PLXNA4: variants seen among roughly 807,000 people sequenced by gnomAD.
PLXNA4 encodes plexin A4, also known as plexin-A4.
PLXNA4 carries 44 observed loss-of-function variants against 191.8 expected under a neutral mutation model. That is an observed-to-expected ratio of 0.23 (90% CI 0.18 to 0.29). PLXNA4 has a LOEUF of 0.29. Among genes scored for constraint, PLXNA4 ranks in the 10% least tolerant of loss-of-function variants. The pLI is 1.00. For synonymous variants in PLXNA4, 1,082 were observed against 1,009.5 expected (o/e 1.07, Z -1.36); for missense variants, 1,800 against 2,488.8 (o/e 0.72, Z 5.89).
chr7:132,172,781 T>TA (rs869164288), intron 21 of PLXNA4, among the ~76,000 whole-genome samples: 7 of 150,052 alleles, frequency 4.7e-5, no homozygotes, highest in Non-Finnish European at 7.4e-5. Context: ...ATAATAATAA[T>TA]AAAGTTACAT....
At position 132,167,523 on chromosome 7, in the gene PLXNA4, T is replaced by C. The variant is rs1237723463; in HGVS notation, c.4286+781A>G. 2.0e-5 allele frequency among the ~76,000 whole-genome samples: 3 copies of C among 152,062 alleles called. No homozygotes were observed. The South Asian group carries it at 6.2e-4, about 32-fold the overall frequency. ...GTCTGGGAGGGCCTGAAATTCTGCA[T>C]TTATTTATTTATTTTTTAATTTTTT... On this transcript the variant is annotated intron_variant, in intron 22 of 31. Coordinates refer to ENST00000321063, the MANE Select transcript of PLXNA4 (RefSeq NM_020911.2).
intron 3 of PLXNA4, among the ~76,000 whole-genome samples, chr7:132,462,783 T>G (rs772802116): frequency 1.3e-5 from 2 of 151,910 alleles, no homozygotes; most frequent in Non-Finnish European, 1.5e-5. Context: ...AGGTTATTTT[T>G]TTTCTTGTTT....
At chr7:132,622,120 G>A (rs769666630) in intron 2 of PLXNA4, among the ~76,000 whole-genome samples, 6 of 152,008 alleles carry the variant, frequency 3.9e-5, no homozygotes, top group East Asian at 1.9e-4. Flanking sequence ...GATGTGTACC[G>A]CTTCCAGGAC....
At chr7:132,540,777 C>A (rs1039811707) in intron 1 of PLXNA4, among the ~76,000 whole-genome samples, 1 of 151,260 alleles carries the variant, frequency 6.6e-6, no homozygotes, top group East Asian at 1.9e-4. Context: ...TTAGTAGAGA[C>A]GGTGTTTCAC....
chr7:132,556,358 C>G (rs1800802303), intron 1 of PLXNA4, among the ~76,000 whole-genome samples: 1 of 152,208 alleles, frequency 6.6e-6, no homozygotes, highest in Non-Finnish European at 1.5e-5. Context: ...TTGAGGCAGA[C>G]AGCAGGATCC....
chr7:132,434,332 C>A (rs944058964), intron 3 of PLXNA4, among the ~76,000 whole-genome samples: 8 of 152,158 alleles, frequency 5.3e-5, no homozygotes, highest in Non-Finnish European at 1.0e-4. Flanking sequence ...GCCCAGCTCA[C>A]CTTATCCATC....
chr7:132,462,511 G>A (rs1796544240), intron 3 of PLXNA4, among the ~76,000 whole-genome samples: 1 of 151,524 alleles, frequency 6.6e-6, no homozygotes, highest in Non-Finnish European at 1.5e-5. Flanking sequence ...AACATAATAT[G>A]TACATATATA....
At chr7:132,559,552 T>A (rs1244466853) in intron 1 of PLXNA4, among the ~76,000 whole-genome samples, 1 of 152,178 alleles carries the variant, frequency 6.6e-6, no homozygotes, top group African/African-American at 2.4e-5. Context: ...CCTCTCCCCA[T>A]CCCCAAGTCT....
At chr7:132,613,833 A>T (rs973712188) in intron 2 of PLXNA4, among the ~76,000 whole-genome samples, 1 of 152,226 alleles carries the variant, frequency 6.6e-6, no homozygotes, top group South Asian at 2.1e-4. Flanking sequence ...CTAGGAGTGT[A>T]TTTTTAAATC....
chr7:132,264,730 C>T (rs1331429656), intron 4 of PLXNA4, among the ~76,000 whole-genome samples: 2 of 146,134 alleles, frequency 1.4e-5, no homozygotes, highest in Non-Finnish European at 3.0e-5. Flanking sequence ...CAGAGTCTCA[C>T]TGTGTTGCTC....
At chr7:132,435,754 A>G (rs528089724) in intron 3 of PLXNA4, among the ~76,000 whole-genome samples, 90 of 152,240 alleles carry the variant, frequency 5.9e-4, no homozygotes, top group Middle Eastern at 6.8e-3. Flanking sequence ...CATCCACAGC[A>G]CGTCCACTGA....
At chr7:132,497,038 A>G (rs1798047296) in intron 2 of PLXNA4, among the ~76,000 whole-genome samples, 1 of 152,194 alleles carries the variant, frequency 6.6e-6, no homozygotes, top group Admixed American at 6.5e-5. Flanking sequence ...TTGATACAGA[A>G]AAGAAAAGGT....
intron 1 of PLXNA4, among the ~76,000 whole-genome samples, chr7:132,559,653 A>G (rs553251847): frequency 3.0e-4 from 46 of 152,336 alleles, no homozygotes; most frequent in Admixed American, 1.2e-3. Flanking sequence ...CTCTGCTCAA[A>G]CCAATGGCCT....
At chr7:132,456,276 T>C (rs1796313926) in intron 3 of PLXNA4, among the ~76,000 whole-genome samples, 1 of 152,086 alleles carries the variant, frequency 6.6e-6, no homozygotes, top group Non-Finnish European at 1.5e-5. Flanking sequence ...CATGCCTGGC[T>C]AATTTTTTAT....
intron 4 of PLXNA4, among the ~76,000 whole-genome samples, chr7:132,248,834 C>T (rs1397336641): frequency 6.8e-6 from 1 of 146,206 alleles, no homozygotes; most frequent in African/African-American, 2.6e-5. Flanking sequence ...GACCATCTGG[C>T]CACCCCAGTG....
intron 3 of PLXNA4, among the ~76,000 whole-genome samples, chr7:132,347,544 A>G (rs1248219918): frequency 6.6e-6 from 1 of 152,152 alleles, no homozygotes; most frequent in African/African-American, 2.4e-5. Context: ...GGTATTGGAG[A>G]ATAGTATTGG....
chr7:132,601,701 C>A (rs1168848957), intron 2 of PLXNA4, among the ~76,000 whole-genome samples: 1 of 152,176 alleles, frequency 6.6e-6, no homozygotes, highest in Non-Finnish European at 1.5e-5. Flanking sequence ...TGAAAGAACT[C>A]CTCTGTTGTT....
chr7:132,198,866 T>A (rs940279635), intron 12 of PLXNA4, among the ~76,000 whole-genome samples: 4 of 152,190 alleles, frequency 2.6e-5, no homozygotes, highest in South Asian at 4.1e-4. Context: ...CCATGGTACA[T>A]CTTTCCATTT....
chr7:132,254,279 T>C lies in PLXNA4; in HGVS notation c.1504-13113A>G, dbSNP rs75768542. Among the ~76,000 whole-genome samples, 1,293 of 152,328 alleles carry C rather than the reference T, an allele frequency of 8.5e-3. 9 individuals are homozygous for C. Among genetic ancestry groups the C allele is most frequent in the Non-Finnish European group, 0.014 (940 of 68,040 alleles). ...AGTGATATCAATCTGAAATATACTT[T>C]GAATTCTAAGAAAGGAAATTGTCGC... On this transcript the variant is annotated intron_variant, in intron 4 of 31. Transcript: ENST00000321063.
Sources: gnomAD v4.1 joint callset for allele counts (sites outside exome capture counted in the v4.1 genomes callset) on GRCh38, gnomAD v4.1.1 for gene constraint, MANE v1.5 for transcripts, NCBI Gene and HGNC (gene_info 2026-07-23, HGNC 2026-07-21) for gene names.